SH3BP4: variants seen among roughly 807,000 people sequenced by gnomAD.
SH3BP4 encodes SH3 domain binding protein 4.
A neutral mutation model predicts 65.5 loss-of-function variants in SH3BP4; 33 were observed. The ratio of observed to expected loss-of-function variants is 0.50; its 90% confidence interval spans 0.38 to 0.67. The LOEUF (loss-of-function observed/expected upper bound fraction) is 0.67. Ranked by LOEUF, SH3BP4 falls within the 30% of genes least tolerant of loss-of-function variation. The probability of loss-of-function intolerance (pLI) is 0.00; values close to 1 mark genes in which losing one functional copy is unlikely to be tolerated. For synonymous variants in SH3BP4, 552 were observed against 545.5 expected, an observed-to-expected ratio of 1.01 and a Z score of -0.17; for missense variants, 1,134 against 1,261.4, an observed-to-expected ratio of 0.90 and a Z score of 1.53.
chr2:235,017,045 C>CTTTTTTTTTTTTTTTTTTTTTTT (rs995197698), intron 2 of SH3BP4, among the ~76,000 whole-genome samples: 1 of 88,440 alleles, frequency 1.1e-5, no homozygotes, highest in African/African-American at 4.4e-5. Flanking sequence ...GTTTGCCTTT[C>CTTTTTTTTTTTTTTTTTTTTTTT]TTTTTTTTTT....
chr2:235,044,975 G>A (rs983151215), intron 4 of SH3BP4, among the ~76,000 whole-genome samples: 2 of 152,172 alleles, frequency 1.3e-5, no homozygotes, highest in Non-Finnish European at 1.5e-5. Context: ...GGGAGGAAGC[G>A]AACAAACGCA....
chr2:235,054,011 CT>C lies in SH3BP4; in HGVS notation c.*196del. On this transcript the variant is annotated 3_prime_UTR_variant, in exon 6 of 6. Coordinates refer to ENST00000392011, the MANE Select transcript of SH3BP4 (RefSeq NM_014521.3). The stretch of plus-strand genomic sequence containing the variant: ...GGCCTGAAGGGACTGCCTACTGCAG[CT>C]CGTTGCCAATCACATAGCTTTCTAT... 1 of 543,244 alleles carries C rather than the reference CT, an allele frequency of 1.8e-6. No individual in the cohort carries two copies. The highest frequency in any genetic ancestry group is 3.3e-6 in the Non-Finnish European group (1 of 305,020). 33.7% of individuals were successfully genotyped at this position (543,244 alleles called of 1,614,324 possible). A position where few individuals can be genotyped will look rare whatever the true frequency, so the allele number is the denominator to read the frequency against.
intron 1 of SH3BP4, among the ~76,000 whole-genome samples, chr2:234,982,370 A>G (rs1366106350): frequency 6.6e-6 from 1 of 151,962 alleles, no homozygotes; most frequent in African/African-American, 2.4e-5. Context: ...TGCCCACTTT[A>G]TGGAGGCGGA....
At chr2:235,016,328 C>G (rs2106303190) in intron 2 of SH3BP4, among the ~76,000 whole-genome samples, 1 of 152,212 alleles carries the variant, frequency 6.6e-6, no homozygotes, top group South Asian at 2.1e-4. Flanking sequence ...TTTGGAAGGC[C>G]AGGCAATTTT....
At chr2:234,955,080 A>G (rs550239342) in intron 1 of SH3BP4, among the ~76,000 whole-genome samples, 2 of 152,298 alleles carry the variant, frequency 1.3e-5, no homozygotes, top group East Asian at 3.9e-4. Context: ...TTCTTCTGCA[A>G]ATTGGACTCA....
chr2:234,971,441 G>A (rs1179903178), intron 1 of SH3BP4, among the ~76,000 whole-genome samples: 1 of 152,212 alleles, frequency 6.6e-6, no homozygotes, highest in African/African-American at 2.4e-5. Flanking sequence ...GAATAATGCT[G>A]CTGTGAACCT....
At chr2:235,007,159 A>G (rs1270721975) in intron 2 of SH3BP4, among the ~76,000 whole-genome samples, 1 of 151,926 alleles carries the variant, frequency 6.6e-6, no homozygotes, top group African/African-American at 2.4e-5. Context: ...GAGGCAGTTG[A>G]GTGGGAGAGT....
At position 235,038,382 on chromosome 2, in the gene SH3BP4, T is replaced by C. The variant is rs1242519315; in HGVS notation, c.119-2506T>C. ...TATATATATAATATATATACATATA[T>C]ATATATATATATATATATATATATA... On this transcript the variant is annotated intron_variant, in intron 3 of 5. Coordinates refer to ENST00000392011, the MANE Select transcript of SH3BP4 (RefSeq NM_014521.3). Among the ~76,000 whole-genome samples, 61 of 9,350 alleles carry C rather than the reference T, an allele frequency of 6.5e-3. 11 individuals carry two copies. The highest frequency in any genetic ancestry group is 7.0e-3 in the Non-Finnish European group (46 of 6,590). 6.1% of individuals were successfully genotyped at this position (9,350 alleles called of 152,430 possible).
At position 235,034,871 on chromosome 2, in the gene SH3BP4, G is replaced by A. The variant is rs1695322493; in HGVS notation, c.-132G>A. On this transcript the variant is annotated splice_region_variant and 5_prime_UTR_variant, in exon 3 of 6. Transcript: ENST00000392011. This position sits in a 1 kb window ranked among gnomAD's most constrained non-coding sequence, Gnocchi z 6.2. ...TTTTTTGTTCCTCCTCTACTTTCAG[G>A]AAGAAACATATTGCCGAGTGGATGC... The A allele has an allele frequency of 1.4e-6, 1 of 694,800 alleles. No homozygotes were observed. Among genetic ancestry groups the A allele is most frequent in the Middle Eastern group, 4.1e-4 (1 of 2,460 alleles). The allele number at this position is 694,800 out of a possible 1,614,324, so 43.0% of individuals were successfully genotyped here. A position where few individuals can be genotyped will look rare whatever the true frequency, so the allele number is the denominator to read the frequency against.
chr2:234,992,246 G>A (rs12469475), intron 1 of SH3BP4, among the ~76,000 whole-genome samples: 24,135 of 152,200 alleles, frequency 0.16, 3,559 homozygotes, highest in East Asian at 0.72. Flanking sequence ...TGCCTTGGGG[G>A]GCAGGAGCTG....
chr2:235,044,038 A>G (rs997914172), intron 4 of SH3BP4, among the ~76,000 whole-genome samples: 1 of 152,212 alleles, frequency 6.6e-6, no homozygotes, highest in Non-Finnish European at 1.5e-5. Flanking sequence ...TTGGGAGCAG[A>G]TGTGGTTCGT....
At position 235,042,201 on chromosome 2, in the gene SH3BP4, C is replaced by G. The variant is rs539902257; in HGVS notation, c.1432C>G (p.Leu478Val). The change falls in exon 4 of 6, where the codon CTC becomes GTC. Residue 478 changes from leucine (L) to valine (V), a missense_variant. Physicochemically the swap from Leu to Val is conservative, Grantham distance 32. Coordinates refer to ENST00000392011, the MANE Select transcript of SH3BP4 (RefSeq NM_014521.3). This position sits in a 1 kb window ranked among gnomAD's most constrained non-coding sequence, Gnocchi z 7.3. ...CATCAATAAAAAAGTCACAGTGGGT[C>G]TCTACGGCCCTAAACACATCCACCC... The part of the protein sequence containing the change: ...DFINKKVTVG[L>V]YGPKHIHPSF... 6 of 1,614,110 alleles carry G rather than the reference C, an allele frequency of 3.7e-6. No individual in the cohort carries two copies. The African/African-American group carries it at 5.3e-5, about 14-fold the overall frequency.
In SH3BP4 at chr2:235,045,008, A is replaced by AT; in HGVS notation, c.2478+1762dup. Among the ~76,000 whole-genome samples, 1 of 152,272 alleles carries AT rather than the reference A, an allele frequency of 6.6e-6. No individual in the cohort carries two copies. Among genetic ancestry groups the AT allele is most frequent in the East Asian group, 1.9e-4 (1 of 5,162 alleles). On this transcript the variant is annotated intron_variant, in intron 4 of 5. Coordinates refer to ENST00000392011, the MANE Select transcript of SH3BP4 (RefSeq NM_014521.3). The surrounding 1 kb of genome is among the most constrained non-coding windows in gnomAD (Gnocchi z 4.3). ...GCAGCAGGGAAGCCTCCGGGCCCCC[A>AT]TGTGGGGTCACCTGCAGGGAGGGGA...
In SH3BP4 at chr2:234,977,519, T is replaced by C. The variant is rs1693203276; in HGVS notation, c.-206-17784T>C. Among the ~76,000 whole-genome samples the C allele has an allele frequency of 6.6e-6, 1 of 152,130 alleles. No individual in the cohort carries two copies. The highest frequency in any genetic ancestry group is 2.1e-4 in the South Asian group (1 of 4,826). ...CAGGGACAATGGTGCATTATTAAAC[T>C]GCTCTGAAACTCAGAGCCCAGAGCA... On this transcript the variant is annotated intron_variant, in intron 1 of 5. Transcript: ENST00000392011. The surrounding 1 kb of genome is among the most constrained non-coding windows in gnomAD (Gnocchi z 5.1).
intron 4 of SH3BP4, among the ~76,000 whole-genome samples, chr2:235,050,801 G>A (rs941461767): frequency 6.6e-6 from 1 of 152,078 alleles, no homozygotes; most frequent in Admixed American, 6.6e-5. Context: ...GCACAAAATA[G>A]TTGGCCAAAG....
chr2:234,959,578 A>G (rs911102963), intron 1 of SH3BP4, among the ~76,000 whole-genome samples: 4 of 151,802 alleles, frequency 2.6e-5, no homozygotes, highest in African/African-American at 9.7e-5. Context: ...TGTGCAATTT[A>G]ATTTTTAATT....
intron 2 of SH3BP4, among the ~76,000 whole-genome samples, chr2:235,008,273 G>A (rs117903125): frequency 2.0e-5 from 3 of 152,162 alleles, no homozygotes; most frequent in Non-Finnish European, 4.4e-5. Flanking sequence ...CCCTGGGTTG[G>A]GACAGCCCCT....
intron 2 of SH3BP4, among the ~76,000 whole-genome samples, chr2:235,032,876 G>A (rs1695250037): frequency 2.6e-5 from 4 of 152,184 alleles, no homozygotes; most frequent in South Asian, 4.1e-4. Context: ...CTCAGGGGCC[G>A]GGAATAGGGA....
At chr2:234,975,639 A>G (rs1248929559) in intron 1 of SH3BP4, among the ~76,000 whole-genome samples, 1 of 152,150 alleles carries the variant, frequency 6.6e-6, no homozygotes, top group South Asian at 2.1e-4. Flanking sequence ...ACTTCAGGAG[A>G]CTGAAACAGG....
Sources: gnomAD v4.1 joint callset for allele counts (sites outside exome capture counted in the v4.1 genomes callset) on GRCh38, gnomAD v4.1.1 for gene constraint, Gnocchi (gnomAD v3.1) non-coding constraint, MANE v1.5 for transcripts, NCBI Gene and HGNC (gene_info 2026-07-23, HGNC 2026-07-21) for gene names.